Variants in PLK5 observed in about 807,000 individuals in gnomAD.
PLK5 encodes inactive serine/threonine-protein kinase PLK5.
A neutral mutation model predicts 33.7 loss-of-function variants in PLK5; 28 were observed. The observed-to-expected ratio is 0.83, with a 90% CI of 0.62 to 1.14. The LOEUF is 1.14. PLK5 is among the 50% of genes most tolerant of loss of function. The pLI is 0.00. For missense variants in PLK5, 492 were observed against 461.5 expected, an observed-to-expected ratio of 1.07 and a Z score of -0.61; for synonymous variants, 225 against 202.2, an observed-to-expected ratio of 1.11 and a Z score of -0.96.
intron 12 of PLK5, among the ~76,000 whole-genome samples, chr19:1,532,386 A>C (rs1253503525): frequency 6.6e-6 from 1 of 152,008 alleles, no homozygotes; most frequent in African/African-American, 2.4e-5. Flanking sequence ...AAAAAAATTA[A>C]AAATTAGCTG....
chr19:1,528,243 C>A, intron 7 of PLK5, 59 bp from the exon 8 acceptor site: 1 of 1,535,638 alleles, frequency 6.5e-7, no homozygotes, highest in Non-Finnish European at 8.7e-7. Context: ...CCCAGGTAAC[C>A]CAGGTGCTCA....
chr19:1,528,252 CAG>C (rs772838726), intron 7 of PLK5, 48 bp from the exon 8 acceptor site: 69 of 1,535,732 alleles, frequency 4.5e-5, no homozygotes, highest in African/African-American at 1.2e-4. Context: ...CCCAGGTGCT[CAG>C]GGGCTGGGTG....
Position 1,534,051 on chromosome 19 carries a change from G to C in PLK5, c.825+10G>C. On this transcript the variant is annotated intron_variant, in intron 13 of 13. Transcript: ENST00000454744. The stretch of plus-strand genomic sequence containing the variant: ...CAATGGGATGGTGCAGGTGAGCCCG[G>C]GGCTCAAACTCGGGGCACTGGGGCT... 6.5e-7 allele frequency: 1 copy of C among 1,533,844 alleles called. No homozygotes were observed. The highest frequency in any genetic ancestry group is 8.7e-7 in the Non-Finnish European group (1 of 1,145,186).
chr19:1,534,088 G>C (rs757673558), intron 13 of PLK5, 47 bp downstream of exon 13: 20 of 1,439,446 alleles, frequency 1.4e-5, no homozygotes, highest in Middle Eastern at 3.5e-4. Flanking sequence ...GGCAGGGTGG[G>C]GTCTGGCCTG....
chr19:1,535,523 AC>A lies in PLK5; in HGVS notation c.*274del. 1 of 460,602 alleles carries A rather than the reference AC, an allele frequency of 2.2e-6. No homozygotes were observed. Among genetic ancestry groups the A allele is most frequent in the Non-Finnish European group, 3.8e-6 (1 of 263,262 alleles). The allele number at this position is 460,602 out of a possible 1,614,324, so 28.5% of individuals were successfully genotyped here. A position where few individuals can be genotyped will look rare whatever the true frequency, so the allele number is the denominator to read the frequency against. On this transcript the variant is annotated 3_prime_UTR_variant, in exon 14 of 14. Coordinates refer to ENST00000454744, the MANE Select transcript of PLK5 (RefSeq NM_001243079.2). ...GCTTTGGCAAAGAAACGTTGACCCC[AC>A]GTGACGTTGCATCCTCCCTGTTTCT...
chr19:1,531,651 C>G, intron 11 of PLK5, 87 bp from the exon 12 acceptor site: 1 of 1,456,496 alleles, frequency 6.9e-7, no homozygotes, highest in Non-Finnish European at 9.1e-7. Context: ...GGGTCTCACC[C>G]ATGGTTTCAG....
chr19:1,532,270 G>GTGGCACACACCTATAATCC (rs1170478774), intron 12 of PLK5, among the ~76,000 whole-genome samples: 19 of 152,102 alleles, frequency 1.2e-4, no homozygotes, highest in African/African-American at 4.6e-4. Flanking sequence ...GCTTGGTGTG[G>GTGGCACACACCTATAATCC]TGGCACACAC....
chr19:1,531,230 G>A (rs1274237978), intron 11 of PLK5, among the ~76,000 whole-genome samples: 1 of 151,702 alleles, frequency 6.6e-6, no homozygotes, highest in South Asian at 2.1e-4. Context: ...CCAACATGGT[G>A]AAACCCCATC....
At chr19:1,530,688 C>T (rs1181262470) in intron 11 of PLK5, among the ~76,000 whole-genome samples, 2 of 130,736 alleles carry the variant, frequency 1.5e-5, no homozygotes, top group African/African-American at 2.8e-5. Flanking sequence ...GGCGTGATCT[C>T]GGCTCACTGC....
rs1913691985 is a variant in PLK5, at chr19:1,524,833, G to GTTGTGTGTTCATGTGT, written c.-543-461_-543-446dup. The stretch of plus-strand genomic sequence containing the variant: ...CATGTGTTGTACTGTGTGTCCAGGT[G>GTTGTGTGTTCATGTGT]TTGTGTGTTCATGTGTTTGTGTGTT... On this transcript the variant is annotated intron_variant, in intron 1 of 13. Coordinates refer to ENST00000454744, the MANE Select transcript of PLK5 (RefSeq NM_001243079.2). The surrounding 1 kb of genome is among the most constrained non-coding windows in gnomAD (Gnocchi z 4.5). The GTTGTGTGTTCATGTGT allele has an allele frequency of 6.5e-6, 1 of 152,896 alleles. No homozygotes were observed. Among genetic ancestry groups the GTTGTGTGTTCATGTGT allele is most frequent in the Non-Finnish European group, 1.5e-5 (1 of 68,534 alleles). The allele number at this position is 152,896 out of a possible 1,614,324, so 9.5% of individuals were successfully genotyped here.
chr19:1,532,152 G>A (rs1378445153), intron 12 of PLK5, among the ~76,000 whole-genome samples: 1 of 152,160 alleles, frequency 6.6e-6, no homozygotes, highest in Non-Finnish European at 1.5e-5. Context: ...ATGACAAGCG[G>A]CAGCCCTGTG....
intron 9 of PLK5, 45 bp downstream of exon 9, chr19:1,529,019 C>A: frequency 7.0e-7 from 1 of 1,429,538 alleles, no homozygotes; most frequent in South Asian, 1.4e-5. Flanking sequence ...AGGTGGAGGG[C>A]ATGCTGGCCC....
chr19:1,529,845 C>G (rs1461840181), intron 11 of PLK5, 21 bp downstream of exon 11: 12 of 1,533,144 alleles, frequency 7.8e-6, no homozygotes, highest in Non-Finnish European at 1.0e-5. Flanking sequence ...GCCCAGCCCC[C>G]AGGATCACCT....
intron 11 of PLK5, among the ~76,000 whole-genome samples, chr19:1,531,229 T>C (rs1345606673): frequency 6.6e-6 from 1 of 151,470 alleles, no homozygotes; most frequent in African/African-American, 2.4e-5. Flanking sequence ...GCCAACATGG[T>C]GAAACCCCAT....
Position 1,524,210 on chromosome 19 carries a change from G to T in PLK5, c.-580G>T, listed in dbSNP as rs865983779. The T allele has an allele frequency of 6.6e-6, 1 of 150,600 alleles. No individual in the cohort carries two copies. The allele number at this position is 150,600 out of a possible 1,614,324, so 9.3% of individuals were successfully genotyped here. A position where few individuals can be genotyped will look rare whatever the true frequency, so the allele number is the denominator to read the frequency against. ...CCGCCTTCCTGCGAGACCCGGGCTC[G>T]GGCCGCGTGTACAGGCGCGGGAAGC... On this transcript the variant is annotated 5_prime_UTR_variant, in exon 1 of 14. Transcript: ENST00000454744. The surrounding 1 kb of genome is among the most constrained non-coding windows in gnomAD (Gnocchi z 4.5).
intron 9 of PLK5, 94 bp downstream of exon 9, chr19:1,529,068 C>T (rs1913847306): frequency 8.6e-6 from 10 of 1,162,562 alleles, no homozygotes; most frequent in Admixed American, 2.9e-5. Flanking sequence ...TTCTCTGAAC[C>T]CCTTCTGGGG....
chr19:1,534,014 G>A lies in PLK5; in HGVS notation c.798G>A (p.Leu266=). 1 of 1,535,720 alleles carries A rather than the reference G, an allele frequency of 6.5e-7. No individual in the cohort carries two copies. The highest frequency in any genetic ancestry group is 8.7e-7 in the Non-Finnish European group (1 of 1,146,800). Residue 266 remains leucine (L), a synonymous_variant, in exon 13 of 14, where the codon CTG becomes CTA. Coordinates refer to ENST00000454744, the MANE Select transcript of PLK5 (RefSeq NM_001243079.2). ...TCCTGGCCTCTGAGCACGCCCTGCT[G>A]CTGCTGTTCAGCAATGGGATGGTGC... ...LRFLASEHAL[L]LLFSNGMVQV...
chr19:1,527,888 T>C, intron 6 of PLK5, 48 bp from the exon 7 acceptor site: 2 of 1,504,416 alleles, frequency 1.3e-6, no homozygotes, highest in Non-Finnish European at 1.8e-6. Context: ...CAGGGGTAGC[T>C]CTGAGCGATG....
chr19:1,528,672 C>T, intron 8 of PLK5, among the ~76,000 whole-genome samples: 1 of 127,886 alleles, frequency 7.8e-6, no homozygotes, highest in Non-Finnish European at 1.6e-5. Context: ...CCCACCTGCC[C>T]ACACCTCCCA....
Sources: gnomAD v4.1 joint callset for allele counts (sites outside exome capture counted in the v4.1 genomes callset) on GRCh38, gnomAD v4.1.1 for gene constraint, Gnocchi (gnomAD v3.1) non-coding constraint, MANE v1.5 for transcripts, NCBI Gene and HGNC (gene_info 2026-07-23, HGNC 2026-07-21) for gene names.